Variants in FADS3 observed in about 807,000 individuals in gnomAD.
The protein encoded by FADS3 is fatty acid desaturase 3, also known as cytochrome b5-related protein.
FADS3 carries 30 observed loss-of-function variants against 60.4 expected under a neutral mutation model. The observed-to-expected ratio is 0.50, with a 90% CI of 0.37 to 0.67. FADS3 has a LOEUF of 0.67. FADS3 is among the 30% of genes least tolerant of loss of function. FADS3 has a pLI of 0.00. For synonymous variants in FADS3, 234 were observed against 249.3 expected, an observed-to-expected ratio of 0.94 and a Z score of 0.58; for missense variants, 432 against 598.3, an observed-to-expected ratio of 0.72 and a Z score of 2.90.
chr11:61,885,356 G>C (rs1265700713), intron 1 of FADS3, among the ~76,000 whole-genome samples: 1 of 152,158 alleles, frequency 6.6e-6, no homozygotes, highest in African/African-American at 2.4e-5. Flanking sequence ...AGTAAACTGG[G>C]AACCACAAAT....
At chr11:61,875,379 GTTTTTTTTT>G (rs58200660) in intron 11 of FADS3, among the ~76,000 whole-genome samples, 9,157 of 128,424 alleles carry the variant, frequency 0.071, 1,300 homozygotes, top group African/African-American at 0.24. Context: ...GCTAATTTTT[GTTTTTTTTT>G]TTTTTTTTTT....
chr11:61,883,860 G>T (rs1938220315), intron 1 of FADS3, among the ~76,000 whole-genome samples: 1 of 152,248 alleles, frequency 6.6e-6, no homozygotes, highest in Admixed American at 6.5e-5. Context: ...ATAAGGGGAA[G>T]TGTGAGCCCC....
intron 1 of FADS3, among the ~76,000 whole-genome samples, chr11:61,889,507 C>T (rs1429585607): frequency 2.6e-5 from 4 of 151,960 alleles, no homozygotes; most frequent in South Asian, 2.1e-4. Flanking sequence ...ATATGCTGGG[C>T]GTGGTGGCGC....
At position 61,877,597 on chromosome 11, in the gene FADS3, G is replaced by A. The variant is rs1937954819; in HGVS notation, c.809-10C>T. 1 of 1,613,060 alleles carries A rather than the reference G, an allele frequency of 6.2e-7. No individual in the cohort carries two copies. Among genetic ancestry groups the A allele is most frequent in the Admixed American group, 1.7e-5 (1 of 59,964 alleles). On this transcript the variant is annotated splice_polypyrimidine_tract_variant and intron_variant, in intron 6 of 11. Transcript: ENST00000278829. The surrounding 1 kb of genome is among the most constrained non-coding windows in gnomAD (Gnocchi z 4.7). ...AGCAGCGGCGGGCCGACTGCAAGAAGGGGCATGAGAGTGTTCAGGAGTGGG... is the reference window on the plus strand; with the variant it reads ...AGCAGCGGCGGGCCGACTGCAAGAAAGGGCATGAGAGTGTTCAGGAGTGGG...
intron 11 of FADS3, 42 bp downstream of exon 11, chr11:61,875,809 T>C (rs1444571906): frequency 4.4e-6 from 7 of 1,600,058 alleles, no homozygotes; most frequent in South Asian, 1.1e-5. Flanking sequence ...GCATAGGCCC[T>C]GGGGAAGCCA....
At chr11:61,888,447 CTGAT>C (rs1229824634) in intron 1 of FADS3, among the ~76,000 whole-genome samples, 3 of 152,256 alleles carry the variant, frequency 2.0e-5, no homozygotes, top group African/African-American at 7.2e-5. Flanking sequence ...TGGACAAAGA[CTGAT>C]TGCACCATCC....
At chr11:61,890,923 G>A (rs1258951576) in intron 1 of FADS3, among the ~76,000 whole-genome samples, 1 of 152,196 alleles carries the variant, frequency 6.6e-6, no homozygotes, top group East Asian at 1.9e-4. Context: ...ACCCACCTCT[G>A]AGGCCCCCTC....
Position 61,876,499 on chromosome 11 carries a change from T to C in FADS3, c.984-44A>G, listed in dbSNP as rs1591190380. 6 of 1,497,384 alleles carry C rather than the reference T, an allele frequency of 4.0e-6. No individual in the cohort carries two copies. The highest frequency in any genetic ancestry group is 5.6e-6 in the Non-Finnish European group (6 of 1,074,982). The allele number at this position is 1,497,384 out of a possible 1,614,324, so 92.8% of individuals were successfully genotyped here. A position where few individuals can be genotyped will look rare whatever the true frequency, so the allele number is the denominator to read the frequency against. Reference sequence around the variant, plus strand: ...ACTGCCCTAGGTCCAGCTCACCACTTAGGCACCCTGAGTGGAGGCTGGAGA... The same window carrying C: ...ACTGCCCTAGGTCCAGCTCACCACTCAGGCACCCTGAGTGGAGGCTGGAGA... On this transcript the variant is annotated intron_variant, in intron 8 of 11. Transcript: ENST00000278829. This position sits in a 1 kb window ranked among gnomAD's most constrained non-coding sequence, Gnocchi z 5.7.
In FADS3 at chr11:61,876,090, G is replaced by GC; in HGVS notation, c.1160+20dup. On this transcript the variant is annotated intron_variant, in intron 10 of 11. Coordinates refer to ENST00000278829, the MANE Select transcript of FADS3 (RefSeq NM_021727.5). This position sits in a 1 kb window ranked among gnomAD's most constrained non-coding sequence, Gnocchi z 5.7. Reference sequence around the variant, plus strand: ...AGGACCCCCTCCCCACCTCCCACTGGCCCCCAGCACCCACACTCACTGGTG... The same window carrying GC: ...AGGACCCCCTCCCCACCTCCCACTGGCCCCCCAGCACCCACACTCACTGGTG... 6.2e-7 allele frequency: 1 copy of GC among 1,608,202 alleles called. No individual in the cohort carries two copies. Among genetic ancestry groups the GC allele is most frequent in the Non-Finnish European group, 8.5e-7 (1 of 1,177,410 alleles).
chr11:61,878,178 T>C lies in FADS3; in HGVS notation c.785A>G (p.Gln262Arg). 1 of 1,614,082 alleles carries C rather than the reference T, an allele frequency of 6.2e-7. No homozygotes were observed. Among genetic ancestry groups the C allele is most frequent in the African/African-American group, 1.3e-5 (1 of 75,006 alleles). Residue 262 changes from glutamine (Q) to arginine (R), a missense_variant, in exon 6 of 12, where the codon CAG becomes CGG. Gln to Arg is a conservative substitution (Grantham distance 43, BLOSUM62 1). Transcript: ENST00000278829. ...ACTCAGGAAGAAGTACAGGTGCTGCTGGTTGTAGGGTAGGTATCTGCGTTT... is the reference window on the plus strand; with the variant it reads ...ACTCAGGAAGAAGTACAGGTGCTGCCGGTTGTAGGGTAGGTATCTGCGTTT... The part of the protein sequence containing the change: ...KKKRRYLPYN[Q>R]QHLYFFLIGP...
chr11:61,886,981 G>A (rs1056391661), intron 1 of FADS3, among the ~76,000 whole-genome samples: 1 of 152,208 alleles, frequency 6.6e-6, no homozygotes, highest in Non-Finnish European at 1.5e-5. Flanking sequence ...TCAGCCGAAA[G>A]GGCACCAGGG....
chr11:61,878,101 G>C (rs1565344435), intron 6 of FADS3, 54 bp downstream of exon 6: 1 of 1,519,594 alleles, frequency 6.6e-7, no homozygotes, highest in Non-Finnish European at 9.1e-7. Context: ...ACAGCAGGGA[G>C]GACAGTGCAG....
Position 61,875,858 on chromosome 11 carries a change from T to C in FADS3, c.1279A>G (p.Ile427Val), listed in dbSNP as rs752050919. Residue 427 changes from isoleucine (I) to valine (V), a missense_variant, in exon 11 of 12, where the codon ATC (isoleucine) becomes GTC (valine). By Grantham distance (29) the Ile-to-Val change is conservative. Around this residue, in one of 5 missense-constraint regions of FADS3, gnomAD observed 63 missense variants for 64.5 expected, o/e 0.98. Transcript: ENST00000278829. The stretch of plus-strand genomic sequence containing the variant: ...GCCGGGCTGCAGCCTCACCTGACGA[T>C]GTCCACCAGCGCGGTGAGGAAGGGC... ...VKPFLTALVD[I>V]VRSLKKSGDI... 1.2e-6 allele frequency: 2 copies of C among 1,612,582 alleles called. No homozygotes were observed. Among genetic ancestry groups the C allele is most frequent in the Non-Finnish European group, 8.5e-7 (1 of 1,179,228 alleles).
rs750260956 is a variant in FADS3 at position 61,876,187 on chromosome 11, C to T, written c.1084G>A (p.Ala362Thr). Residue 362 changes from alanine (A) to threonine (T), a missense_variant, in exon 10 of 12, where the codon GCA (alanine) becomes ACA (threonine). Transcript: ENST00000278829. This position sits in a 1 kb window ranked among gnomAD's most constrained non-coding sequence, Gnocchi z 5.7. ...GAGGGCTCCACGTTGCAGGTGGCTG[C>T]CAGCTGCCGGAAGCCGGCGGGGCAC... The part of the protein sequence containing the change: ...KHRDWVSSQL[A>T]ATCNVEPSLF... The T allele has an allele frequency of 1.9e-5, 31 of 1,598,760 alleles. No homozygotes were observed. Among genetic ancestry groups the T allele is most frequent in the Non-Finnish European group, 2.6e-5 (31 of 1,173,348 alleles).
Position 61,891,282 on chromosome 11 carries a change from G to T in FADS3, c.100C>A (p.Pro34Thr). ...CWEQIRAHDQ[P>T]GDKWLVIERR... ...TCGATGACCAGCCACTTGTCGCCGG[G>T]CTGGTCGTGCGCGCGGATCTGCTCC... The change falls in exon 1 of 12, where the codon CCC (proline) becomes ACC (threonine). Residue 34 changes from proline to threonine, a missense_variant. This residue lies in a region of FADS3 where 167 missense variants were observed against 188.8 expected (regional missense o/e 0.88). Transcript: ENST00000278829. 6.5e-7 allele frequency: 1 copy of T among 1,537,070 alleles called. No homozygotes were observed.
At chr11:61,878,380 G>A (rs940486155) in intron 5 of FADS3, 132 bp downstream of exon 5, 15 of 1,416,018 alleles carry the variant, frequency 1.1e-5, no homozygotes, top group African/African-American at 2.8e-5. Flanking sequence ...AAAGACACGG[G>A]GGCAGAGCTT....
chr11:61,887,138 T>G (rs547136430), intron 1 of FADS3, among the ~76,000 whole-genome samples: 1 of 152,332 alleles, frequency 6.6e-6, no homozygotes, highest in Admixed American at 6.5e-5. Flanking sequence ...AGCATTCTCA[T>G]CCTCATCACA....
intron 1 of FADS3, chr11:61,890,319 A>T (rs927199020): frequency 6.6e-6 from 1 of 152,184 alleles, no homozygotes; most frequent in Non-Finnish European, 1.5e-5. Context: ...GACTGGACAG[A>T]ACCTCCGCTG....
chr11:61,888,594 A>G (rs1938390566), intron 1 of FADS3, among the ~76,000 whole-genome samples: 2 of 152,224 alleles, frequency 1.3e-5, no homozygotes, highest in Non-Finnish European at 2.9e-5. Flanking sequence ...GACCGTAACC[A>G]AATAAGGTCA....
Sources: allele counts gnomAD v4.1 joint callset (sites outside exome capture counted in the v4.1 genomes callset), GRCh38; gene constraint gnomAD v4.1.1; regional missense constraint gnomAD v4.1.1; non-coding constraint Gnocchi (gnomAD v3.1); transcripts MANE v1.5; gene names NCBI Gene and HGNC (gene_info 2026-07-23, HGNC 2026-07-21).